RPTOR: variants seen among roughly 807,000 people sequenced by gnomAD.
The protein encoded by RPTOR is regulatory-associated protein of mTOR.
Under a neutral mutation model 169.9 loss-of-function variants are expected in RPTOR, and 21 were observed. The observed-to-expected ratio is 0.12, with a 90% CI of 0.09 to 0.18. The LOEUF is 0.18. Ranked by LOEUF, RPTOR falls within the 10% of genes least tolerant of loss-of-function variation. RPTOR has a pLI of 1.00. For synonymous variants in RPTOR, 732 were observed against 753.2 expected (o/e 0.97, Z 0.46); for missense variants, 1,133 against 1,855.9 (o/e 0.61, Z 7.16).
chr17:80,927,869 G>T (rs56072626), intron 24 of RPTOR, among the ~76,000 whole-genome samples: 1 of 151,450 alleles, frequency 6.6e-6, no homozygotes, highest in Non-Finnish European at 1.5e-5. Context: ...GAGAATTCCC[G>T]CCCGCACGGA....
chr17:80,669,744 C>T (rs1273489611), intron 3 of RPTOR, among the ~76,000 whole-genome samples: 1 of 152,268 alleles, frequency 6.6e-6, no homozygotes, highest in East Asian at 1.9e-4. Context: ...GACCCCCAGA[C>T]CTCTCCATGG....
chr17:80,823,278 T>C lies in RPTOR; in HGVS notation c.1136+55T>C, dbSNP rs1470762352. The stretch of plus-strand genomic sequence containing the variant: ...TGCTCCCCCGCCCTCCGTGGCACTG[T>C]GATGTCATGGAATTGCACGGAGCTG... On this transcript the variant is annotated intron_variant, in intron 9 of 33. Coordinates refer to ENST00000306801, the MANE Select transcript of RPTOR (RefSeq NM_020761.3). The surrounding 1 kb of genome is among the most constrained non-coding windows in gnomAD (Gnocchi z 4.5). 3.8e-6 allele frequency: 6 copies of C among 1,594,676 alleles called. No individual in the cohort carries two copies. The Admixed American group carries it at 6.8e-5, about 18-fold the overall frequency.
intron 1 of RPTOR, among the ~76,000 whole-genome samples, chr17:80,568,870 G>A (rs950883456): frequency 2.0e-5 from 3 of 152,130 alleles, no homozygotes; most frequent in Non-Finnish European, 4.4e-5. Flanking sequence ...GAGACAGGAG[G>A]ATCTCACTAT....
At chr17:80,692,886 G>A (rs1393019473) in intron 3 of RPTOR, among the ~76,000 whole-genome samples, 5 of 152,198 alleles carry the variant, frequency 3.3e-5, no homozygotes, top group Admixed American at 2.0e-4. Flanking sequence ...GTCCTGGTGA[G>A]CCTATTTTAT....
At chr17:80,773,050 C>T (rs989714707) in intron 6 of RPTOR, among the ~76,000 whole-genome samples, 48 of 152,314 alleles carry the variant, frequency 3.2e-4, no homozygotes, top group African/African-American at 1.0e-3. Flanking sequence ...CTCAAAGAGC[C>T]GTGTGTCTGC....
chr17:80,679,813 C>A (rs1299878461), intron 3 of RPTOR, among the ~76,000 whole-genome samples: 1 of 152,248 alleles, frequency 6.6e-6, no homozygotes, highest in Non-Finnish European at 1.5e-5. Flanking sequence ...AGTTACACAG[C>A]CTTCCTTTCT....
chr17:80,773,708 C>G (rs117651136), intron 6 of RPTOR: 22,994 of 842,508 alleles, frequency 0.027, 364 homozygotes, highest in South Asian at 0.061. Flanking sequence ...TCCTCTGGCA[C>G]CAGGCCCTCC....
chr17:80,632,674 G>A (rs567461109), intron 2 of RPTOR, among the ~76,000 whole-genome samples: 1 of 152,290 alleles, frequency 6.6e-6, no homozygotes, highest in South Asian at 2.1e-4. Context: ...ATTAAAAAAT[G>A]GGTAGGTTCC....
intron 1 of RPTOR, among the ~76,000 whole-genome samples, chr17:80,591,337 T>C: frequency 6.8e-6 from 1 of 147,532 alleles, no homozygotes. Context: ...TCTCCTTCTT[T>C]TTTTTGGAGA....
Position 80,960,307 on chromosome 17 carries a change from A to C in RPTOR, c.3605+102A>C. Reference sequence around the variant, plus strand: ...TTGGTTGGGTCCAGGTTTCTCAGTGAGATGCAAAGCTTCCCCAGGAGCCTG... The same window carrying C: ...TTGGTTGGGTCCAGGTTTCTCAGTGCGATGCAAAGCTTCCCCAGGAGCCTG... On this transcript the variant is annotated intron_variant, in intron 30 of 33. Coordinates refer to ENST00000306801, the MANE Select transcript of RPTOR (RefSeq NM_020761.3). The surrounding 1 kb of genome is among the most constrained non-coding windows in gnomAD (Gnocchi z 4.8). The C allele has an allele frequency of 2.7e-6, 4 of 1,493,382 alleles. No individual in the cohort carries two copies. Among genetic ancestry groups the C allele is most frequent in the Non-Finnish European group, 3.7e-6 (4 of 1,090,838 alleles). The allele number at this position is 1,493,382 out of a possible 1,614,324, so 92.5% of individuals were successfully genotyped here.
chr17:80,961,942 CAA>C (rs1200393011), intron 31 of RPTOR, among the ~76,000 whole-genome samples: 6 of 152,232 alleles, frequency 3.9e-5, no homozygotes, highest in Non-Finnish European at 8.8e-5. Context: ...AGCATTTCTT[CAA>C]AGAGATGCTC....
intron 1 of RPTOR, among the ~76,000 whole-genome samples, chr17:80,551,301 G>T (rs909505090): frequency 9.2e-5 from 14 of 152,196 alleles, no homozygotes; most frequent in Admixed American, 3.9e-4. Context: ...ACAAAGTATA[G>T]AGAGAGAAAT....
chr17:80,750,463 C>T (rs2066619941), intron 5 of RPTOR, among the ~76,000 whole-genome samples: 1 of 152,192 alleles, frequency 6.6e-6, no homozygotes, highest in African/African-American at 2.4e-5. Flanking sequence ...TGCCTCCCTC[C>T]CAGCCCCTTT....
At chr17:80,701,480 A>G (rs1002660325) in intron 3 of RPTOR, among the ~76,000 whole-genome samples, 1 of 152,210 alleles carries the variant, frequency 6.6e-6, no homozygotes, top group Non-Finnish European at 1.5e-5. Context: ...AATGCCGGGC[A>G]GGGAAGAAGG....
At chr17:80,908,438 T>G (rs1339761988) in intron 20 of RPTOR, among the ~76,000 whole-genome samples, 1 of 152,088 alleles carries the variant, frequency 6.6e-6, no homozygotes, top group Non-Finnish European at 1.5e-5. Flanking sequence ...CCATGCCACA[T>G]GCACCACTAC....
intron 6 of RPTOR, among the ~76,000 whole-genome samples, chr17:80,789,297 A>G (rs993929127): frequency 1.3e-5 from 2 of 152,108 alleles, no homozygotes; most frequent in Non-Finnish European, 2.9e-5. Context: ...CTTTTGGGCA[A>G]TTACACTGAT....
At chr17:80,919,033 G>A (rs754371825) in intron 21 of RPTOR, among the ~76,000 whole-genome samples, 40 of 152,156 alleles carry the variant, frequency 2.6e-4, no homozygotes, top group African/African-American at 6.8e-4. Flanking sequence ...GAGACACCTC[G>A]GCCTCCACTG....
intron 1 of RPTOR, chr17:80,602,580 T>G: frequency 1.6e-6 from 1 of 607,352 alleles, no homozygotes; most frequent in Non-Finnish European, 3.1e-6. Flanking sequence ...TGTCTGTAGA[T>G]TTTTGAACAT....
At position 80,834,914 on chromosome 17, in the gene RPTOR, T is replaced by A. The variant is rs371028201; in HGVS notation, c.1137-3008T>A. On this transcript the variant is annotated intron_variant, in intron 9 of 33. Coordinates refer to ENST00000306801, the MANE Select transcript of RPTOR (RefSeq NM_020761.3). ...CCCCTAACTTGCACACACTTTCTTC[T>A]AACTCCTGAAGCAGAAACTTTTTAT... 2.6e-5 allele frequency among the ~76,000 whole-genome samples: 4 copies of A among 152,252 alleles called. No homozygotes were observed. The East Asian group carries it at 7.7e-4, about 29-fold the overall frequency.
Sources: allele counts gnomAD v4.1 joint callset (sites outside exome capture counted in the v4.1 genomes callset), GRCh38; gene constraint gnomAD v4.1.1; non-coding constraint Gnocchi (gnomAD v3.1); transcripts MANE v1.5; gene names NCBI Gene and HGNC (gene_info 2026-07-23, HGNC 2026-07-21).